Variants in VEGFC observed in about 807,000 individuals in gnomAD.
VEGFC encodes FLT4 ligand DHM.
A neutral mutation model predicts 46.1 loss-of-function variants in VEGFC; 12 were observed. The observed-to-expected ratio is 0.26, with a 90% CI of 0.17 to 0.42. The LOEUF is 0.42. Ranked by LOEUF, VEGFC falls within the 10% of genes least tolerant of loss-of-function variation. The pLI is 1.00. For synonymous variants in VEGFC, 232 were observed against 195.5 expected (o/e 1.19, Z -1.56); for missense variants, 488 against 529.4 (o/e 0.92, Z 0.77).
rs759603134 is a variant in VEGFC, at chr4:176,727,946, C to T, written c.384G>A (p.Lys128=). The change falls in exon 3 of 7, where the codon AAG becomes AAA. Residue 128 remains lysine, a synonymous_variant. Coordinates refer to ENST00000618562, the MANE Select transcript of VEGFC (RefSeq NM_005429.5). ...ILKSIDNEWR[K]TQCMPREVCI... is the part of the protein sequence containing the mutation. The stretch of plus-strand genomic sequence containing the variant: ...ACACCTCCCGTGGCATGCATTGAGT[C>T]TTTCTCCACTCATTATCAATACCTG... 1 of 1,611,156 alleles carries T rather than the reference C, an allele frequency of 6.2e-7. No homozygotes were observed. The highest frequency in any genetic ancestry group is 1.1e-5 in the South Asian group (1 of 90,452).
At chr4:176,720,235 G>T (rs1197584046) in intron 3 of VEGFC, among the ~76,000 whole-genome samples, 1 of 152,018 alleles carries the variant, frequency 6.6e-6, no homozygotes, top group Non-Finnish European at 1.5e-5. Flanking sequence ...AATACCCTAA[G>T]AATTAATAAG....
At chr4:176,719,084 C>T (rs1440342410) in intron 3 of VEGFC, among the ~76,000 whole-genome samples, 2 of 152,146 alleles carry the variant, frequency 1.3e-5, no homozygotes, top group South Asian at 2.1e-4. Flanking sequence ...ATGCACAGTG[C>T]ATATGCTTTT....
chr4:176,712,235 A>T (rs1161104237), intron 3 of VEGFC, among the ~76,000 whole-genome samples: 1 of 152,192 alleles, frequency 6.6e-6, no homozygotes, highest in Non-Finnish European at 1.5e-5. Context: ...AAAAAACTAC[A>T]TTTATAATTT....
intron 1 of VEGFC, among the ~76,000 whole-genome samples, chr4:176,740,339 CTA>C (rs1360734575): frequency 4.5e-5 from 5 of 112,236 alleles, no homozygotes; most frequent in African/African-American, 1.8e-4. Context: ...ATATATATAA[CTA>C]TATATTTATA....
intron 4 of VEGFC, among the ~76,000 whole-genome samples, chr4:176,688,694 G>A (rs190601912): frequency 8.1e-5 from 12 of 148,322 alleles, no homozygotes; most frequent in Non-Finnish European, 1.5e-4. Context: ...CTTCAGTCAA[G>A]TACCCTAATT....
intron 5 of VEGFC, 55 bp downstream of exon 5, chr4:176,687,766 G>C (rs1038183049): frequency 7.8e-5 from 99 of 1,268,262 alleles, no homozygotes; most frequent in Non-Finnish European, 1.0e-4. Context: ...ATTAGAGTAT[G>C]TTAATCACAA....
Position 176,706,625 on chromosome 4 carries a change from C to CAA in VEGFC, c.704+4872_704+4873dup, listed in dbSNP as rs55996370. On this transcript the variant is annotated intron_variant, in intron 4 of 6. Transcript: ENST00000618562. ...TGGGTGATAGAGTGAGAATCTGTCT[C>CAA]AAAAAAAAAAAAAAAAAAAAAAAAA... 4.4e-3 allele frequency among the ~76,000 whole-genome samples: 280 copies of CAA among 63,458 alleles called. 24 individuals are homozygous for CAA. The highest frequency in any genetic ancestry group is 0.015 in the African/African-American group (183 of 12,276). The allele number at this position is 63,458 out of a possible 152,430, so 41.6% of individuals were successfully genotyped here. A position where few individuals can be genotyped will look rare whatever the true frequency, so the allele number is the denominator to read the frequency against.
intron 1 of VEGFC, among the ~76,000 whole-genome samples, chr4:176,745,152 C>G (rs1444913424): frequency 6.6e-6 from 1 of 152,084 alleles, no homozygotes. Flanking sequence ...TTACCCTTTT[C>G]TTGAATCCCT....
intron 1 of VEGFC, among the ~76,000 whole-genome samples, chr4:176,751,933 C>T (rs1735348622): frequency 6.6e-6 from 1 of 151,066 alleles, no homozygotes. Context: ...GCTTTTAGGT[C>T]TCTGTCCTCC....
chr4:176,767,518 G>A (rs534963731), intron 1 of VEGFC, among the ~76,000 whole-genome samples: 5 of 152,216 alleles, frequency 3.3e-5, no homozygotes, highest in Admixed American at 1.3e-4. Flanking sequence ...AGCACTATTC[G>A]CTCACCTTGC....
At chr4:176,781,551 T>C (rs1735916285) in intron 1 of VEGFC, among the ~76,000 whole-genome samples, 1 of 152,064 alleles carries the variant, frequency 6.6e-6, no homozygotes, top group African/African-American at 2.4e-5. Context: ...AAATTTGGAG[T>C]GAGTGGAAAT....
At chr4:176,761,431 C>T (rs949813288) in intron 1 of VEGFC, among the ~76,000 whole-genome samples, 1 of 151,990 alleles carries the variant, frequency 6.6e-6, no homozygotes, top group African/African-American at 2.4e-5. Context: ...AATAAAGAAA[C>T]AAGGAAACTA....
At chr4:176,743,066 G>A (rs1735203360) in intron 1 of VEGFC, among the ~76,000 whole-genome samples, 1 of 152,038 alleles carries the variant, frequency 6.6e-6, no homozygotes, top group Non-Finnish European at 1.5e-5. Context: ...GAAATACTCA[G>A]TAAGGGACTG....
chr4:176,683,983 A>G lies in VEGFC; in HGVS notation c.1203T>C (p.Tyr401=), dbSNP rs769831490. 5 of 1,614,236 alleles carry G rather than the reference A, an allele frequency of 3.1e-6. No individual in the cohort carries two copies. Among genetic ancestry groups the G allele is most frequent in the East Asian group, 4.5e-5 (2 of 44,886 alleles). The change falls in exon 7 of 7, where the codon TAT becomes TAC. Residue 401 remains tyrosine, a synonymous_variant. Coordinates refer to ENST00000618562, the MANE Select transcript of VEGFC (RefSeq NM_005429.5). ...GGACACAACGACACACTTCTTCACT[A>G]TATGAAAATCCTGGCTCACAAGCCT... ...RQKACEPGFS[Y]SEEVCRCVPS... is the part of the protein sequence containing the mutation.
intron 1 of VEGFC, among the ~76,000 whole-genome samples, chr4:176,777,629 T>G (rs577912646): frequency 6.6e-6 from 1 of 152,132 alleles, no homozygotes; most frequent in South Asian, 2.1e-4. Flanking sequence ...AAGCAATTCT[T>G]GTTATATATA....
At chr4:176,699,084 T>A (rs1734377911) in intron 4 of VEGFC, among the ~76,000 whole-genome samples, 1 of 152,200 alleles carries the variant, frequency 6.6e-6, no homozygotes, top group Non-Finnish European at 1.5e-5. Context: ...ACGAACTGTG[T>A]TATTAATCAA....
At chr4:176,696,017 AGCCAATATCATACT>A (rs201818925) in intron 4 of VEGFC, among the ~76,000 whole-genome samples, 4,246 of 148,828 alleles carry the variant, frequency 0.029, 204 homozygotes, top group African/African-American at 0.099. Flanking sequence ...ACAAACCCAC[AGCCAATATCATACT>A]GAATGGGCAA....
chr4:176,770,961 G>A (rs1735711246), intron 1 of VEGFC, among the ~76,000 whole-genome samples: 5 of 135,132 alleles, frequency 3.7e-5, no homozygotes, highest in Admixed American at 2.5e-4. Flanking sequence ...TCATTCAATT[G>A]AAGGTGCAAG....
chr4:176,792,238 G>T lies in VEGFC; in HGVS notation c.74C>A (p.Ala25Glu). Residue 25 changes from alanine to glutamate, a missense_variant, in exon 1 of 7, where the codon GCG becomes GAG. Ala to Glu is a moderately radical substitution (Grantham distance 107). Coordinates refer to ENST00000618562, the MANE Select transcript of VEGFC (RefSeq NM_005429.5). The surrounding 1 kb of genome is among the most constrained non-coding windows in gnomAD (Gnocchi z 6.3). ...AAALLPGPREAPAAAAAFESG... is the reference protein window; with the variant it reads ...AAALLPGPREEPAAAAAFESG... The stretch of plus-strand genomic sequence containing the variant: ...CTCGAAGGCGGCGGCGGCGGCGGGC[G>T]CCTCGCGAGGACCCGGGAGCAGCGC... 6.4e-7 allele frequency: 1 copy of T among 1,555,568 alleles called. No individual in the cohort carries two copies. Among genetic ancestry groups the T allele is most frequent in the South Asian group, 1.2e-5 (1 of 85,382 alleles).
Sources: allele counts gnomAD v4.1 joint callset (sites outside exome capture counted in the v4.1 genomes callset), GRCh38; gene constraint gnomAD v4.1.1; non-coding constraint Gnocchi (gnomAD v3.1); transcripts MANE v1.5; gene names NCBI Gene and HGNC (gene_info 2026-07-23, HGNC 2026-07-21).